CACNG5: variants seen among roughly 807,000 people sequenced by gnomAD.
CACNG5 encodes voltage-dependent calcium channel gamma-5 subunit.
In CACNG5, 18 loss-of-function variants were observed where a neutral mutation model predicts 24.8. The observed-to-expected ratio is 0.73, with a 90% CI of 0.50 to 1.08. The LOEUF (loss-of-function observed/expected upper bound fraction) is 1.08. Among genes scored for constraint, CACNG5 ranks in the 50% least tolerant of loss-of-function variants. CACNG5 has a pLI of 0.00. For missense variants in CACNG5, 349 were observed against 367.9 expected (o/e 0.95, Z 0.42); for synonymous variants, 157 against 149.1 (o/e 1.05, Z -0.39).
At chr17:66,858,351 T>C (rs1976808592) in intron 1 of CACNG5, among the ~76,000 whole-genome samples, 1 of 152,166 alleles carries the variant, frequency 6.6e-6, no homozygotes, top group Non-Finnish European at 1.5e-5. Context: ...GCCCAGGGCC[T>C]ACATCCTTAT....
chr17:66,884,474 G>A, intron 4 of CACNG5, 42 bp from the exon 5 acceptor site: 1 of 1,555,406 alleles, frequency 6.4e-7, no homozygotes, highest in Non-Finnish European at 8.7e-7. Context: ...AACTTCCTGG[G>A]CCTCTGGGCT....
Position 66,885,211 on chromosome 17 carries a change from T to G in CACNG5, c.799T>G (p.Tyr267Asp), listed in dbSNP as rs1316679101. Residue 267 changes from tyrosine (Y) to aspartate (D), a missense_variant, in exon 6 of 6, where the codon TAT becomes GAT. Transcript: ENST00000533854. ...NYPALLKCPD[Y>D]DQMSSSPC ...CCCCGCCTTGCTCAAGTGCCCCGAC[T>G]ATGATCAGATGTCCTCTTCACCCTG... 6.2e-7 allele frequency: 1 copy of G among 1,600,174 alleles called. No individual in the cohort carries two copies. Among genetic ancestry groups the G allele is most frequent in the African/African-American group, 1.3e-5 (1 of 74,794 alleles).
At chr17:66,837,970 G>C (rs1038433728) in intron 1 of CACNG5, among the ~76,000 whole-genome samples, 1 of 151,980 alleles carries the variant, frequency 6.6e-6, no homozygotes, top group African/African-American at 2.4e-5. Flanking sequence ...GCCTGTGTCT[G>C]GGTTGGGCTC....
In CACNG5 at chr17:66,894,019, G is replaced by C. The variant is rs1410750024; in HGVS notation, c.*8779G>C. Among the ~76,000 whole-genome samples the C allele has an allele frequency of 2.0e-5, 3 of 152,256 alleles. No individual in the cohort carries two copies. Among genetic ancestry groups the C allele is most frequent in the East Asian group, 3.9e-4 (2 of 5,182 alleles). The stretch of plus-strand genomic sequence containing the variant: ...GGGAGGGGATGGCAGTGGCTGCCAG[G>C]CTAGAAATCCAAAGTCCAGCGGTGT... On this transcript the variant is annotated 3_prime_UTR_variant, in exon 6 of 6. Transcript: ENST00000533854.
chr17:66,853,336 T>C (rs1164036674), intron 1 of CACNG5, among the ~76,000 whole-genome samples: 1 of 152,172 alleles, frequency 6.6e-6, no homozygotes, highest in Non-Finnish European at 1.5e-5. Context: ...CAACCACAAG[T>C]TTTCATTTTT....
intron 3 of CACNG5, 89 bp from the exon 4 acceptor site, chr17:66,880,468 T>C: frequency 1.3e-6 from 2 of 1,535,808 alleles, no homozygotes; most frequent in Non-Finnish European, 1.8e-6. Context: ...GACCAGTTGG[T>C]AGACACTGCC....
intron 2 of CACNG5, among the ~76,000 whole-genome samples, chr17:66,878,461 C>T (rs1319944652): frequency 6.6e-6 from 1 of 152,240 alleles, no homozygotes; most frequent in Non-Finnish European, 1.5e-5. Flanking sequence ...GTTGAGTCTG[C>T]CATGTGAATG....
chr17:66,849,809 T>A (rs1976689653), intron 1 of CACNG5, among the ~76,000 whole-genome samples: 1 of 152,202 alleles, frequency 6.6e-6, no homozygotes, highest in Non-Finnish European at 1.5e-5. Flanking sequence ...GGTCAGGCAA[T>A]GGAGGCGCAC....
At chr17:66,883,936 C>G (rs917349252) in intron 4 of CACNG5, among the ~76,000 whole-genome samples, 1 of 152,196 alleles carries the variant, frequency 6.6e-6, no homozygotes, top group South Asian at 2.1e-4. Flanking sequence ...AGTTCGAGAC[C>G]AACCTTGCCA....
chr17:66,854,037 G>A (rs746912403), intron 1 of CACNG5, among the ~76,000 whole-genome samples: 1 of 152,116 alleles, frequency 6.6e-6, no homozygotes, highest in Non-Finnish European at 1.5e-5. Context: ...ACATTATGCA[G>A]CAAAGTTACT....
intron 1 of CACNG5, among the ~76,000 whole-genome samples, chr17:66,867,935 G>A (rs1976952868): frequency 6.6e-6 from 1 of 152,134 alleles, no homozygotes; most frequent in Non-Finnish European, 1.5e-5. Context: ...TTTTGCTTAG[G>A]ATTGACCTTC....
chr17:66,855,647 G>A (rs1381497600), intron 1 of CACNG5, among the ~76,000 whole-genome samples: 2 of 151,810 alleles, frequency 1.3e-5, no homozygotes, highest in African/African-American at 2.4e-5. Context: ...CCTCAGGCTC[G>A]GACCACGCCT....
At chr17:66,836,949 C>T (rs542849273) in intron 1 of CACNG5, among the ~76,000 whole-genome samples, 5 of 152,330 alleles carry the variant, frequency 3.3e-5, no homozygotes, top group Non-Finnish European at 7.3e-5. Flanking sequence ...CTGAATTGTT[C>T]ACGCTTGTTT....
At position 66,892,303 on chromosome 17, in the gene CACNG5, GCTGGTATTCA is replaced by G. The variant is rs11277787; in HGVS notation, c.*7081_*7090del. On this transcript the variant is annotated 3_prime_UTR_variant, in exon 6 of 6. Transcript: ENST00000533854. The stretch of plus-strand genomic sequence containing the variant: ...TGCCTCTGAGCCCTTTCCCCAAGGA[GCTGGTATTCA>G]CTGGTATTCACTGGTATGCAGCTAG... Among the ~76,000 whole-genome samples, 36,475 of 152,052 alleles carry G rather than the reference GCTGGTATTCA, an allele frequency of 0.24. 4,392 individuals are homozygous for G. The highest frequency in any genetic ancestry group is 0.26 in the African/African-American group (10,897 of 41,508).
chr17:66,865,680 A>G (rs1054372826), intron 1 of CACNG5, among the ~76,000 whole-genome samples: 11 of 149,856 alleles, frequency 7.3e-5, no homozygotes, highest in African/African-American at 2.7e-4. Flanking sequence ...CCCAGGCTGC[A>G]GTGTAGTGGC....
At chr17:66,863,532 A>G (rs1349639807) in intron 1 of CACNG5, among the ~76,000 whole-genome samples, 1 of 151,966 alleles carries the variant, frequency 6.6e-6, no homozygotes, top group East Asian at 1.9e-4. Flanking sequence ...ACGCCCAGCT[A>G]ATTTTTGTAT....
chr17:66,858,216 C>T (rs1451476586), intron 1 of CACNG5, among the ~76,000 whole-genome samples: 1 of 152,182 alleles, frequency 6.6e-6, no homozygotes, highest in Non-Finnish European at 1.5e-5. Flanking sequence ...GGGGTGCACA[C>T]AAGCTTCCCA....
rs376717159 is a variant in CACNG5, at chr17:66,861,170, A to G, written c.-103-16060A>G. Among the ~76,000 whole-genome samples, 13 of 152,360 alleles carry G rather than the reference A, an allele frequency of 8.5e-5. No individual in the cohort carries two copies. The East Asian group carries it at 1.3e-3, about 16-fold the overall frequency. ...GTAATATATTTGACAATAACAGCAC[A>G]AAGGAGTTGGGAGAAGGAGAAGCCA... On this transcript the variant is annotated intron_variant, in intron 1 of 5. Transcript: ENST00000533854.
intron 1 of CACNG5, among the ~76,000 whole-genome samples, chr17:66,841,358 C>G (rs1229546318): frequency 1.3e-5 from 2 of 152,226 alleles, no homozygotes; most frequent in East Asian, 3.8e-4. Flanking sequence ...GCAAGTTTGC[C>G]TTAAGCAGTT....
Sources: allele counts gnomAD v4.1 joint callset (sites outside exome capture counted in the v4.1 genomes callset), GRCh38; gene constraint gnomAD v4.1.1; transcripts MANE v1.5; gene names NCBI Gene and HGNC (gene_info 2026-07-23, HGNC 2026-07-21).